The following ETV4 variants were observed in gnomAD, a reference collection of about 807,000 sequenced individuals.
ETV4 encodes ETS translocation variant 4.
Under a neutral mutation model 65.9 loss-of-function variants are expected in ETV4, and 42 were observed. The ratio of observed to expected loss-of-function variants is 0.64; its 90% CI spans 0.50 to 0.82. The LOEUF (loss-of-function observed/expected upper bound fraction) is 0.82. ETV4 is among the 40% of genes least tolerant of loss of function. The pLI is 0.00. For missense variants in ETV4, 583 were observed against 630.3 expected (o/e 0.92, Z 0.80); for synonymous variants, 238 against 260.0 (o/e 0.92, Z 0.81).
intron 12 of ETV4, 39 bp from the exon 13 acceptor site, chr17:43,528,782 G>T: frequency 6.4e-7 from 1 of 1,571,934 alleles, no homozygotes; most frequent in Non-Finnish European, 8.7e-7. Context: ...CTGGCTAGCC[G>T]CCCAGCCTTT....
intron 3 of ETV4, 87 bp from the exon 4 acceptor site, chr17:43,545,109 C>A: frequency 2.8e-6 from 4 of 1,444,302 alleles, no homozygotes; most frequent in South Asian, 1.1e-5. Context: ...ACTCCCCTGC[C>A]TTGGGAGTAG....
chr17:43,544,994 C>G lies in ETV4; in HGVS notation c.183G>C (p.Gln61His). The G allele has an allele frequency of 6.2e-7, 1 of 1,614,028 alleles. No homozygotes were observed. Among genetic ancestry groups the G allele is most frequent in the African/African-American group, 1.3e-5 (1 of 75,006 alleles). ...EDLFQDLSHF[Q>H]ETWLAEAQVP... Reference sequence around the variant, plus strand: ...ACTCACCTTCAGCGAGCCACGTCTCCTGGAAGTGACTTAGATCCTGGAAGA... The same window carrying G: ...ACTCACCTTCAGCGAGCCACGTCTCGTGGAAGTGACTTAGATCCTGGAAGA... The change falls in exon 4 of 13, where the codon CAG becomes CAC. Residue 61 changes from glutamine to histidine, a missense_variant. Physicochemically the swap from Gln to His is conservative, Grantham distance 24 (BLOSUM62 0). Coordinates refer to ENST00000319349, the MANE Select transcript of ETV4 (RefSeq NM_001079675.5).
At chr17:43,530,848 A>G (rs1207701530) in intron 8 of ETV4, among the ~76,000 whole-genome samples, 1 of 151,924 alleles carries the variant, frequency 6.6e-6, no homozygotes, top group Non-Finnish European at 1.5e-5. Context: ...ACTCCCACCT[A>G]TGAATGAGAA....
At chr17:43,542,089 GA>G (rs768909696) in intron 4 of ETV4, among the ~76,000 whole-genome samples, 2 of 152,118 alleles carry the variant, frequency 1.3e-5, no homozygotes, top group South Asian at 4.2e-4. Flanking sequence ...ATATGATTGG[GA>G]CAGCCAAAGG....
rs1971158896 is a variant in ETV4 at position 43,534,956 on chromosome 17, A to C, written c.257-971T>G. On this transcript the variant is annotated intron_variant, in intron 5 of 12. Coordinates refer to ENST00000319349, the MANE Select transcript of ETV4 (RefSeq NM_001079675.5). ...AACTCTGTCTCTAAATAAATAAATA[A>C]AAGAATCTTTCTTTTTCTGGTTGAG... Among the ~76,000 whole-genome samples, 3 of 152,164 alleles carry C rather than the reference A, an allele frequency of 2.0e-5. No homozygotes were observed. The South Asian group carries it at 6.2e-4, about 32-fold the overall frequency.
chr17:43,537,982 T>C (rs1971331996), intron 4 of ETV4, among the ~76,000 whole-genome samples: 1 of 151,802 alleles, frequency 6.6e-6, no homozygotes, highest in African/African-American at 2.4e-5. Flanking sequence ...CAAAAAAAAT[T>C]AGCCGGGTGT....
chr17:43,545,227 G>A, intron 3 of ETV4, 47 bp downstream of exon 3: 1 of 1,163,004 alleles, frequency 8.6e-7, no homozygotes, highest in South Asian at 1.3e-5. Flanking sequence ...GTGTGTGTGT[G>A]TGTGTGTGGC....
At chr17:43,536,505 T>G in intron 4 of ETV4, 26 bp from the exon 5 acceptor site, 1 of 1,613,154 alleles carries the variant, frequency 6.2e-7, no homozygotes, top group Non-Finnish European at 8.5e-7. Context: ...AGAGGTGAGT[T>G]TGGGGCGGAG....
chr17:43,529,025 A>G (rs1409310175), intron 12 of ETV4, 110 bp downstream of exon 12: 3 of 1,055,186 alleles, frequency 2.8e-6, no homozygotes, highest in East Asian at 2.4e-5. Context: ...TGACTGATTC[A>G]TTATCTGATC....
chr17:43,545,759 G>A, intron 1 of ETV4, 91 bp from the exon 2 acceptor site: 5 of 692,154 alleles, frequency 7.2e-6, no homozygotes, highest in Non-Finnish European at 1.2e-5. Flanking sequence ...TGGGTCCGAC[G>A]GCGAAACTTC....
rs2271959 is a variant in ETV4, at chr17:43,545,372, G to T, written c.61-5C>A. The T allele has an allele frequency of 0.3, 472,789 of 1,577,064 alleles. 72,834 individuals are homozygous for T. The highest frequency in any genetic ancestry group is 0.36 in the East Asian group (15,563 of 43,416). ...GCTCCCATTTCCGGGCGATTTCTGC[G>T]AGAAGCGGGGAGAATGCCCGCGAGT... On this transcript the variant is annotated splice_region_variant and splice_polypyrimidine_tract_variant and intron_variant, in intron 2 of 12. Transcript: ENST00000319349.
intron 4 of ETV4, among the ~76,000 whole-genome samples, chr17:43,539,146 A>G (rs1166836092): frequency 6.6e-6 from 1 of 152,170 alleles, no homozygotes. Context: ...TATTTAAAGC[A>G]TGAAATCCAA....
chr17:43,528,234 G>T lies in ETV4; in HGVS notation c.*285C>A. 2.8e-6 allele frequency: 1 copy of T among 357,084 alleles called. No individual in the cohort carries two copies. Among genetic ancestry groups the T allele is most frequent in the Non-Finnish European group, 5.1e-6 (1 of 197,472 alleles). The allele number at this position is 357,084 out of a possible 1,614,324, so 22.1% of individuals were successfully genotyped here. A position where few individuals can be genotyped will look rare whatever the true frequency, so the allele number is the denominator to read the frequency against. ...TCTTGTTCTCTGTGGTTGGGGAAAA[G>T]GTGTGGGGGGCTTGGACCTAGGAAG... On this transcript the variant is annotated 3_prime_UTR_variant, in exon 13 of 13. Transcript: ENST00000319349.
intron 4 of ETV4, 126 bp downstream of exon 4, chr17:43,544,849 C>T: frequency 1.2e-6 from 1 of 838,048 alleles, no homozygotes; most frequent in Non-Finnish European, 2.0e-6. Context: ...GGGGAGAGGG[C>T]CTTGGAGAAC....
At chr17:43,541,741 G>A (rs954659192) in intron 4 of ETV4, among the ~76,000 whole-genome samples, 1 of 152,142 alleles carries the variant, frequency 6.6e-6, no homozygotes, top group African/African-American at 2.4e-5. Context: ...TGTCACCGCT[G>A]TCCCTTACCC....
At chr17:43,535,014 C>T (rs1157139115) in intron 5 of ETV4, among the ~76,000 whole-genome samples, 1 of 152,186 alleles carries the variant, frequency 6.6e-6, no homozygotes, top group Non-Finnish European at 1.5e-5. Flanking sequence ...TGTCAGCTGA[C>T]TAACATTATA....
chr17:43,545,860 C>T lies in ETV4; in HGVS notation c.-51-192G>A, dbSNP rs1477627410. ...CCGCCAAAGGCCAAAGGAGGTCCCA[C>T]CTGCTCCCAGGAGCCGGGCTCGCCG... On this transcript the variant is annotated intron_variant, in intron 1 of 12. Coordinates refer to ENST00000319349, the MANE Select transcript of ETV4 (RefSeq NM_001079675.5). The T allele has an allele frequency of 5.0e-6, 3 of 595,598 alleles. No homozygotes were observed. The Admixed American group carries it at 8.9e-5, about 18-fold the overall frequency. 36.9% of individuals were successfully genotyped at this position (595,598 alleles called of 1,614,324 possible).
intron 8 of ETV4, among the ~76,000 whole-genome samples, chr17:43,530,816 C>G (rs1405041812): frequency 6.6e-6 from 1 of 152,112 alleles, no homozygotes; most frequent in Non-Finnish European, 1.5e-5. Context: ...GTTCCAACCC[C>G]TTCCCGCCCT....
intron 3 of ETV4, 52 bp from the exon 4 acceptor site, chr17:43,545,074 G>A: frequency 1.3e-6 from 2 of 1,576,426 alleles, no homozygotes; most frequent in Non-Finnish European, 1.7e-6. Flanking sequence ...CGGTAAGAGA[G>A]AAGGGGCCCT....
Sources: gnomAD v4.1 joint callset for allele counts (sites outside exome capture counted in the v4.1 genomes callset) on GRCh38, gnomAD v4.1.1 for gene constraint, MANE v1.5 for transcripts, NCBI Gene and HGNC (gene_info 2026-07-23, HGNC 2026-07-21) for gene names.